NTM: variants seen among roughly 807,000 people sequenced by gnomAD.
NTM encodes neurotrimin, also known as IgLON family member 2.
In NTM, 13 loss-of-function variants were observed where a neutral mutation model predicts 42.1. That is an observed-to-expected ratio of 0.31 (90% confidence interval 0.20 to 0.49). NTM has a LOEUF of 0.49. NTM is among the 20% of genes least tolerant of loss of function. NTM has a pLI of 0.99. For synonymous variants in NTM, 187 were observed against 179.2 expected (o/e 1.04, Z -0.35); for missense variants, 373 against 452.8 (o/e 0.82, Z 1.60).
intron 1 of NTM, among the ~76,000 whole-genome samples, chr11:131,893,959 G>A (rs905690836): frequency 6.6e-6 from 1 of 152,228 alleles, no homozygotes; most frequent in Non-Finnish European, 1.5e-5. Context: ...TCCTTCTACT[G>A]TGTAAAGTGA....
intron 3 of NTM, among the ~76,000 whole-genome samples, chr11:132,177,140 T>G (rs61905986): frequency 0.015 from 2,329 of 152,180 alleles, 29 homozygotes; most frequent in Non-Finnish European, 0.021. Context: ...CTCAGCAAAG[T>G]GAAGGTGATT....
At chr11:131,989,904 T>C (rs1011203826) in intron 2 of NTM, among the ~76,000 whole-genome samples, 1 of 152,150 alleles carries the variant, frequency 6.6e-6, no homozygotes, top group African/African-American at 2.4e-5. Flanking sequence ...TATTCCTTTT[T>C]CATTGGCTCA....
At chr11:131,411,059 G>T (rs1946346150) in intron 1 of NTM, among the ~76,000 whole-genome samples, 1 of 152,070 alleles carries the variant, frequency 6.6e-6, no homozygotes, top group African/African-American at 2.4e-5. Context: ...CCATGACTTG[G>T]CCATGTTCTG....
chr11:132,186,386 C>T (rs2078399193), intron 3 of NTM, among the ~76,000 whole-genome samples: 1 of 152,174 alleles, frequency 6.6e-6, no homozygotes, highest in Non-Finnish European at 1.5e-5. Context: ...TCCAGCAGCC[C>T]AAATCTCCTT....
chr11:132,116,798 T>A (rs1346179554), intron 2 of NTM, among the ~76,000 whole-genome samples: 1 of 152,242 alleles, frequency 6.6e-6, no homozygotes, highest in Non-Finnish European at 1.5e-5. Context: ...ATCTAACAGA[T>A]GGCTCAGCCC....
At chr11:131,724,631 C>G (rs910956663) in intron 1 of NTM, among the ~76,000 whole-genome samples, 75 of 152,322 alleles carry the variant, frequency 4.9e-4, no homozygotes, top group Non-Finnish European at 1.0e-4. Flanking sequence ...TCTTGGATTA[C>G]CTCCATTTCA....
chr11:132,307,232 T>G (rs1462069170), intron 4 of NTM, among the ~76,000 whole-genome samples: 3 of 152,182 alleles, frequency 2.0e-5, no homozygotes, highest in Admixed American at 1.3e-4. Context: ...TGTGTGTATG[T>G]GTATGTAGCT....
At chr11:132,302,363 CT>C (rs2094897493) in intron 4 of NTM, among the ~76,000 whole-genome samples, 1 of 152,130 alleles carries the variant, frequency 6.6e-6, no homozygotes. Flanking sequence ...CTCGATAAAC[CT>C]TTTAAAATCA....
At chr11:131,704,959 C>T (rs2076447269) in intron 1 of NTM, among the ~76,000 whole-genome samples, 1 of 152,022 alleles carries the variant, frequency 6.6e-6, no homozygotes. Flanking sequence ...GAAACAGTGA[C>T]AAAACCCTCT....
chr11:131,840,352 A>C (rs2044077615), intron 1 of NTM, among the ~76,000 whole-genome samples: 1 of 152,144 alleles, frequency 6.6e-6, no homozygotes, highest in Non-Finnish European at 1.5e-5. Context: ...GCAAACCAAG[A>C]GCATGTTCTC....
chr11:131,549,065 G>T (rs950453444), intron 1 of NTM, among the ~76,000 whole-genome samples: 1 of 152,110 alleles, frequency 6.6e-6, no homozygotes, highest in African/African-American at 2.4e-5. Flanking sequence ...AGACAGAAAA[G>T]CTCCTCATCT....
chr11:132,070,791 G>A (rs1358850701), intron 2 of NTM, among the ~76,000 whole-genome samples: 8 of 141,850 alleles, frequency 5.6e-5, no homozygotes, highest in African/African-American at 1.8e-4. Flanking sequence ...AGGTTAACAC[G>A]TCACACTGAC....
intron 4 of NTM, among the ~76,000 whole-genome samples, chr11:132,268,854 G>A (rs2093347995): frequency 6.6e-6 from 1 of 152,080 alleles, no homozygotes; most frequent in African/African-American, 2.4e-5. Context: ...AGGAAAGGAT[G>A]GTGAGTCTCA....
intron 1 of NTM, among the ~76,000 whole-genome samples, chr11:131,736,745 C>T (rs929625439): frequency 4.6e-5 from 7 of 152,058 alleles, no homozygotes; most frequent in African/African-American, 2.4e-5. Context: ...CAGACATTTC[C>T]GCAGCTTCTC....
chr11:131,997,752 C>T (rs548242881), intron 2 of NTM, among the ~76,000 whole-genome samples: 4 of 152,212 alleles, frequency 2.6e-5, no homozygotes, highest in African/African-American at 7.2e-5. Flanking sequence ...CCTGTGATTC[C>T]CTGGCAGCTT....
At chr11:131,503,021 C>T (rs1189816997) in intron 1 of NTM, 2 of 152,398 alleles carry the variant, frequency 1.3e-5, no homozygotes, top group Non-Finnish European at 2.9e-5. Context: ...AGACAACTTT[C>T]TCAGGGAGGT....
intron 1 of NTM, among the ~76,000 whole-genome samples, chr11:131,635,595 A>G (rs1323426514): frequency 6.6e-6 from 1 of 152,202 alleles, no homozygotes; most frequent in Non-Finnish European, 1.5e-5. Context: ...TCAAGTAAAA[A>G]AGTTGTAATA....
chr11:131,584,678 G>T (rs2058701397), intron 1 of NTM, among the ~76,000 whole-genome samples: 1 of 152,200 alleles, frequency 6.6e-6, no homozygotes, highest in Non-Finnish European at 1.5e-5. Flanking sequence ...TGGGGTTTCG[G>T]CAAGATGCCC....
chr11:131,946,579 G>T (rs1381472123), intron 2 of NTM, among the ~76,000 whole-genome samples: 3 of 152,202 alleles, frequency 2.0e-5, no homozygotes, highest in African/African-American at 7.2e-5. Flanking sequence ...TCCTTGAAGA[G>T]AACTTTATCT....
Sources: gnomAD v4.1 joint callset for allele counts (sites outside exome capture counted in the v4.1 genomes callset) on GRCh38, gnomAD v4.1.1 for gene constraint, MANE v1.5 for transcripts, NCBI Gene and HGNC (gene_info 2026-07-23, HGNC 2026-07-21) for gene names.